CFAP298: variants seen among roughly 807,000 people sequenced by gnomAD.
CFAP298 encodes cilia- and flagella-associated protein 298.
In CFAP298, 38 loss-of-function variants were observed where a neutral mutation model predicts 41.0. The ratio of observed to expected loss-of-function variants is 0.93; its 90% confidence interval spans 0.72 to 1.22. CFAP298 has a LOEUF of 1.22. CFAP298 is among the 50% of genes most tolerant of loss of function. CFAP298 has a pLI of 0.00. For missense variants in CFAP298, 348 were observed against 360.3 expected (o/e 0.97, Z 0.28); for synonymous variants, 137 against 135.3 (o/e 1.01, Z -0.09).
intron 1 of CFAP298, among the ~76,000 whole-genome samples, chr21:32,611,412 T>C (rs2038997154): frequency 6.8e-6 from 1 of 146,550 alleles, no homozygotes; most frequent in Non-Finnish European, 1.5e-5. Flanking sequence ...GGTATTTATT[T>C]ATATTTATAT....
chr21:32,608,093 C>T (rs2038907059), intron 2 of CFAP298, among the ~76,000 whole-genome samples: 1 of 152,132 alleles, frequency 6.6e-6, no homozygotes, highest in African/African-American at 2.4e-5. Context: ...GCAGACAATA[C>T]TTAAATAACT....
intron 1 of CFAP298, among the ~76,000 whole-genome samples, chr21:32,611,662 C>G (rs992804162): frequency 6.6e-6 from 1 of 152,040 alleles, no homozygotes; most frequent in Non-Finnish European, 1.5e-5. Context: ...CCAAGGCTTC[C>G]TCAACTGTAA....
Position 32,612,258 on chromosome 21 carries a change from G to A in CFAP298, c.-15C>T, listed in dbSNP as rs1438261305. 4.1e-6 allele frequency: 6 copies of A among 1,471,136 alleles called. No homozygotes were observed. Among genetic ancestry groups the A allele is most frequent in the Non-Finnish European group, 5.7e-6 (6 of 1,061,284 alleles). 91.1% of individuals were successfully genotyped at this position (1,471,136 alleles called of 1,614,324 possible). ...AGCAGAACCATGGCGGTCCCGCCGA[G>A]GTACTGAGGCGTTGAGAAGGCCCCG... On this transcript the variant is annotated 5_prime_UTR_variant, in exon 1 of 7. Transcript: ENST00000290155.
At chr21:32,611,414 T>C (rs947726697) in intron 1 of CFAP298, among the ~76,000 whole-genome samples, 1 of 146,734 alleles carries the variant, frequency 6.8e-6, no homozygotes, top group Admixed American at 6.8e-5. Flanking sequence ...TATTTATTTA[T>C]ATTTATATAT....
chr21:32,602,140 T>C (rs2038755634), intron 6 of CFAP298, 132 bp downstream of exon 6: 3 of 958,852 alleles, frequency 3.1e-6, no homozygotes, highest in Admixed American at 3.9e-5. Context: ...CCGACAGACC[T>C]GCAGACAGAA....
intron 2 of CFAP298, 75 bp from the exon 3 acceptor site, chr21:32,607,791 C>T: frequency 1.2e-6 from 1 of 866,214 alleles, no homozygotes; most frequent in Non-Finnish European, 1.9e-6. Flanking sequence ...TCAATCCCCT[C>T]TGTCTGAGTC....
intron 2 of CFAP298, among the ~76,000 whole-genome samples, chr21:32,609,001 A>G (rs1039742623): frequency 8.5e-5 from 13 of 152,360 alleles, no homozygotes; most frequent in Admixed American, 7.8e-4. Context: ...TAAGCTATCA[A>G]AAAGGATTAT....
At chr21:32,604,901 T>C (rs1317400097) in intron 3 of CFAP298, among the ~76,000 whole-genome samples, 2 of 152,090 alleles carry the variant, frequency 1.3e-5, no homozygotes, top group African/African-American at 4.8e-5. Flanking sequence ...GTTGGCCAGA[T>C]GTGGTGGCTC....
Position 32,601,991 on chromosome 21 carries a change from T to G in CFAP298, c.763-18A>C, listed in dbSNP as rs1363492135. ...TCCAATCTCTGGAAATAAGTATGTT[T>G]TATTCAGGCAGGCATTTCAGGAAAG... On this transcript the variant is annotated intron_variant, in intron 6 of 6. Coordinates refer to ENST00000290155, the MANE Select transcript of CFAP298 (RefSeq NM_021254.4). 2.8e-6 allele frequency: 4 copies of G among 1,450,700 alleles called. No individual in the cohort carries two copies. The highest frequency in any genetic ancestry group is 3.9e-6 in the Non-Finnish European group (4 of 1,032,004). The allele number at this position is 1,450,700 out of a possible 1,614,324, so 89.9% of individuals were successfully genotyped here. A position where few individuals can be genotyped will look rare whatever the true frequency, so the allele number is the denominator to read the frequency against.
rs146867345 is a variant in CFAP298 at position 32,604,135 on chromosome 21, G to A, written c.524C>T (p.Ser175Leu). 2.5e-5 allele frequency: 40 copies of A among 1,613,632 alleles called. No individual in the cohort carries two copies. Among genetic ancestry groups the A allele is most frequent in the Non-Finnish European group, 2.5e-5 (30 of 1,179,948 alleles). Residue 175 changes from serine (S) to leucine (L), a missense_variant, in exon 4 of 7, where the codon TCG becomes TTG. By Grantham distance (145) the Ser-to-Leu change is moderately radical. Transcript: ENST00000290155. ...RMEFENKEDL[S>L]GTQAGLNVIK... Reference sequence around the variant, plus strand: ...TCACAAACTACGTACCTGTGTTCCCGACAAGTCTTCCTTATTTTCAAACTC... The same window carrying A: ...TCACAAACTACGTACCTGTGTTCCCAACAAGTCTTCCTTATTTTCAAACTC...
chr21:32,609,804 C>T (rs1272499944), intron 2 of CFAP298, 34 bp downstream of exon 2: 5 of 1,577,498 alleles, frequency 3.2e-6, no homozygotes, highest in East Asian at 2.2e-5. Context: ...ATGCCTGTAT[C>T]AAGCATGCAC....
At position 32,602,305 on chromosome 21, in the gene CFAP298, CA is replaced by C; in HGVS notation, c.728del (p.Met243SerfsTer23). On this transcript the variant is annotated frameshift_variant, in exon 6 of 7. Transcript: ENST00000290155. LOFTEE classifies it high-confidence loss of function. Reference protein sequence around the residue: ...IISSEEQKQLMLYYHRRQEEL... With the variant: ...IISSEEQKQLXLYYHRRQEEL... ...CCTCTTGTCTTCTGTGATAGTACAG[CA>C]TCAGCTGCTTCTGCTCCTCACTGCT... 6.2e-7 allele frequency: 1 copy of C among 1,614,086 alleles called. No individual in the cohort carries two copies. Among genetic ancestry groups the C allele is most frequent in the Non-Finnish European group, 8.5e-7 (1 of 1,180,042 alleles).
At position 32,601,288 on chromosome 21, in the gene CFAP298, C is replaced by CTTTTTTT. The variant is rs1158009254; in HGVS notation, c.*568_*574dup. ...CAATCAGGAAGAAAAAAAAGTGTAG[C>CTTTTTTT]TTTTTTTTTTTTTTTTTTTTTTTTT... On this transcript the variant is annotated 3_prime_UTR_variant, in exon 7 of 7. Coordinates refer to ENST00000290155, the MANE Select transcript of CFAP298 (RefSeq NM_021254.4). Among the ~76,000 whole-genome samples the CTTTTTTT allele has an allele frequency of 6.5e-5, 6 of 92,280 alleles. No individual in the cohort carries two copies. Among genetic ancestry groups the CTTTTTTT allele is most frequent in the Admixed American group, 3.8e-4 (3 of 7,862 alleles). The allele number at this position is 92,280 out of a possible 152,430, so 60.5% of individuals were successfully genotyped here. A position where few individuals can be genotyped will look rare whatever the true frequency, so the allele number is the denominator to read the frequency against.
Position 32,609,971 on chromosome 21 carries a change from G to C in CFAP298, c.174C>G (p.Leu58=), listed in dbSNP as rs2038953661. The C allele has an allele frequency of 1.9e-6, 3 of 1,613,334 alleles. No individual in the cohort carries two copies. The highest frequency in any genetic ancestry group is 2.5e-6 in the Non-Finnish European group (3 of 1,179,760). ...CGGTCAGTCCTTGCATATTAGGAGGGAGAAATATGCCATGTTCGGCTAATT... is the reference window on the plus strand; with the variant it reads ...CGGTCAGTCCTTGCATATTAGGAGGCAGAAATATGCCATGTTCGGCTAATT... The part of the protein sequence containing the change: ...MEELAEHGIF[L]PPNMQGLTDD... Residue 58 remains leucine (L), a synonymous_variant, in exon 2 of 7, where the codon CTC becomes CTG. Transcript: ENST00000290155.
Position 32,601,873 on chromosome 21 carries a change from C to T in CFAP298, c.863G>A (p.Arg288Lys). 6.2e-7 allele frequency: 1 copy of T among 1,600,092 alleles called. No homozygotes were observed. Among genetic ancestry groups the T allele is most frequent in the Non-Finnish European group, 8.6e-7 (1 of 1,168,160 alleles). The change falls in exon 7 of 7, where the codon AGA (arginine) becomes AAA (lysine). Residue 288 changes from arginine to lysine, a missense_variant. Arg to Lys is a conservative substitution (Grantham distance 26, BLOSUM62 2). Transcript: ENST00000290155. The part of the protein sequence containing the change: ...HFHGVKDIKW[R>K]PR ...ATCAGCTGGTGAACTTCATCTTGGT[C>T]TCCACTTTATGTCTTTCACTCCATG...
intron 1 of CFAP298, among the ~76,000 whole-genome samples, chr21:32,610,462 C>A (rs991801202): frequency 6.6e-6 from 1 of 152,226 alleles, no homozygotes; most frequent in East Asian, 1.9e-4. Flanking sequence ...GCCTCAGCCT[C>A]TCAAAGTGTC....
intron 4 of CFAP298, 106 bp downstream of exon 4, chr21:32,604,019 G>A: frequency 1.1e-5 from 13 of 1,133,404 alleles, no homozygotes; most frequent in Non-Finnish European, 1.7e-5. Context: ...AAACCTGAAA[G>A]CTGTGTAGGG....
chr21:32,602,339 G>A lies in CFAP298; in HGVS notation c.695C>T (p.Pro232Leu). 1 of 1,613,778 alleles carries A rather than the reference G, an allele frequency of 6.2e-7. No individual in the cohort carries two copies. The highest frequency in any genetic ancestry group is 8.5e-7 in the Non-Finnish European group (1 of 1,180,026). The change falls in exon 6 of 7, where the codon CCT becomes CTT. Residue 232 changes from proline (P) to leucine (L), a missense_variant. Pro to Leu is a moderately conservative substitution (Grantham distance 98, BLOSUM62 -3). Transcript: ENST00000290155. ...QRGQGAPARE[P>L]IISSEEQKQL... The stretch of plus-strand genomic sequence containing the variant: ...CTTCTGCTCCTCACTGCTAATAATA[G>A]GCTCTCGGGCTGGAGCTCCCTGTCC...
At chr21:32,611,678 C>A (rs1303378904) in intron 1 of CFAP298, among the ~76,000 whole-genome samples, 1 of 152,060 alleles carries the variant, frequency 6.6e-6, no homozygotes, top group Non-Finnish European at 1.5e-5. Flanking sequence ...TGTAAGGGGC[C>A]GTCCCAAAGC....
Sources: allele counts gnomAD v4.1 joint callset (sites outside exome capture counted in the v4.1 genomes callset), GRCh38; gene constraint gnomAD v4.1.1; transcripts MANE v1.5; gene names NCBI Gene and HGNC (gene_info 2026-07-23, HGNC 2026-07-21).